WWP2: variants seen among roughly 807,000 people sequenced by gnomAD.
WWP2 encodes NEDD4-like E3 ubiquitin-protein ligase WWP2.
WWP2 carries 57 observed loss-of-function variants against 121.0 expected under a neutral mutation model. The observed-to-expected ratio is 0.47, with a 90% confidence interval of 0.38 to 0.59. WWP2 has a LOEUF of 0.59. Among genes scored for constraint, WWP2 ranks in the 20% least tolerant of loss-of-function variants. WWP2 has a pLI of 0.00. For missense variants in WWP2, 962 were observed against 1,158.9 expected (o/e 0.83, Z 2.47); for synonymous variants, 449 against 441.3 (o/e 1.02, Z -0.22).
At chr16:69,865,783 TCA>T (rs2057510008) in intron 6 of WWP2, among the ~76,000 whole-genome samples, 2 of 152,168 alleles carry the variant, frequency 1.3e-5, no homozygotes, top group Non-Finnish European at 2.9e-5. Flanking sequence ...ACCCTGTCCA[TCA>T]GAAGGTGAAG....
chr16:69,889,408 G>T (rs1324468944), intron 8 of WWP2, among the ~76,000 whole-genome samples: 2 of 152,216 alleles, frequency 1.3e-5, no homozygotes, highest in Non-Finnish European at 2.9e-5. Context: ...TTCAAGTTTG[G>T]TTATATGGTG....
chr16:69,867,712 C>T (rs1420780292), intron 6 of WWP2, among the ~76,000 whole-genome samples: 2 of 152,204 alleles, frequency 1.3e-5, no homozygotes, highest in South Asian at 2.1e-4. Context: ...CTGAGAAGGG[C>T]GAGCTACAAA....
chr16:69,925,276 A>G lies in WWP2; in HGVS notation c.1180-154A>G. On this transcript the variant is annotated intron_variant, in intron 10 of 23. Transcript: ENST00000359154. This position sits in a 1 kb window ranked among gnomAD's most constrained non-coding sequence, Gnocchi z 4.0. Reference sequence around the variant, plus strand: ...AAAACAAAAAACAGAGACTTTTGAGAGGAGCAGATGCCACCTAAAGTCCCA... The same window carrying G: ...AAAACAAAAAACAGAGACTTTTGAGGGGAGCAGATGCCACCTAAAGTCCCA... 6.9e-7 allele frequency: 1 copy of G among 1,447,826 alleles called. No individual in the cohort carries two copies. The highest frequency in any genetic ancestry group is 9.1e-7 in the Non-Finnish European group (1 of 1,097,222). 89.7% of individuals were successfully genotyped at this position (1,447,826 alleles called of 1,614,324 possible).
At chr16:69,775,539 G>A (rs1208087988) in intron 1 of WWP2, among the ~76,000 whole-genome samples, 1 of 152,014 alleles carries the variant, frequency 6.6e-6, no homozygotes, top group African/African-American at 2.4e-5. Flanking sequence ...TCCTTACATT[G>A]CCCATCTATT....
chr16:69,929,048 G>A (rs570507458), intron 11 of WWP2, among the ~76,000 whole-genome samples: 1 of 152,308 alleles, frequency 6.6e-6, no homozygotes, highest in East Asian at 1.9e-4. Context: ...CAGGACCAGG[G>A]ATCAGCTGTG....
intron 10 of WWP2, among the ~76,000 whole-genome samples, chr16:69,920,879 G>C (rs1003327166): frequency 6.6e-6 from 1 of 152,152 alleles, no homozygotes; most frequent in Non-Finnish European, 1.5e-5. Context: ...CAAGATGTTG[G>C]TGTGTGAAAG....
chr16:69,884,770 T>TAC (rs772419445), intron 7 of WWP2, among the ~76,000 whole-genome samples: 9 of 152,204 alleles, frequency 5.9e-5, no homozygotes, highest in Non-Finnish European at 1.0e-4. Flanking sequence ...TGAAGACTGG[T>TAC]AAACAAAGGG....
chr16:69,803,838 G>T (rs1000086023), intron 4 of WWP2, among the ~76,000 whole-genome samples: 1 of 152,140 alleles, frequency 6.6e-6, no homozygotes, highest in Non-Finnish European at 1.5e-5. Context: ...AACCTGGGAG[G>T]CGAAGGTTGC....
At chr16:69,908,560 C>A (rs770724072) in intron 8 of WWP2, among the ~76,000 whole-genome samples, 29 of 152,190 alleles carry the variant, frequency 1.9e-4, no homozygotes, top group Non-Finnish European at 3.7e-4. Flanking sequence ...TACAGGGGAG[C>A]TATTATAGTT....
chr16:69,775,609 C>T (rs886318662), intron 1 of WWP2, among the ~76,000 whole-genome samples: 8 of 152,162 alleles, frequency 5.3e-5, no homozygotes, highest in African/African-American at 1.9e-4. Context: ...AGTTATTTTG[C>T]ATTACCTGTT....
chr16:69,770,970 TAAA>T (rs397942280), intron 1 of WWP2, among the ~76,000 whole-genome samples: 1 of 135,356 alleles, frequency 7.4e-6, no homozygotes. Context: ...CTGTCTCTAT[TAAA>T]AAAAAAAAAA....
chr16:69,905,886 T>C (rs1370223577), intron 8 of WWP2, among the ~76,000 whole-genome samples: 2 of 152,182 alleles, frequency 1.3e-5, no homozygotes, highest in African/African-American at 4.8e-5. Flanking sequence ...AAGAGTTACA[T>C]AGTTTCTCTG....
intron 5 of WWP2, among the ~76,000 whole-genome samples, chr16:69,841,241 A>T (rs2056971672): frequency 6.6e-6 from 1 of 152,224 alleles, no homozygotes; most frequent in African/African-American, 2.4e-5. Context: ...AGATAATTAC[A>T]TAGCTGTGAT....
chr16:69,912,899 T>A (rs2151966162), intron 9 of WWP2, among the ~76,000 whole-genome samples: 1 of 112,856 alleles, frequency 8.9e-6, no homozygotes, highest in East Asian at 2.6e-4. Context: ...CTGGGCAACA[T>A]ATGGAGAACC....
intron 7 of WWP2, among the ~76,000 whole-genome samples, chr16:69,883,137 G>A (rs150728083): frequency 3.2e-4 from 49 of 151,090 alleles, no homozygotes; most frequent in African/African-American, 1.2e-3. Flanking sequence ...TGGGTGGCAG[G>A]GTGAGACTCC....
Position 69,936,400 on chromosome 16 carries a change from G to A in WWP2, c.2065G>A (p.Glu689Lys). The part of the protein sequence containing the change: ...LGKVTTHELK[E>K]GGESIRVTEE... ...CAAGGTGACGACCCACGAGCTGAAG[G>A]AGGGCGGCGAGAGCATCCGGGTCAC... Residue 689 changes from glutamate (E) to lysine (K), a missense_variant, in exon 19 of 24, where the codon GAG becomes AAG. Transcript: ENST00000359154. The A allele has an allele frequency of 6.2e-7, 1 of 1,614,130 alleles. No individual in the cohort carries two copies. The highest frequency in any genetic ancestry group is 8.5e-7 in the Non-Finnish European group (1 of 1,180,038).
At chr16:69,889,781 T>C (rs1350994172) in intron 8 of WWP2, among the ~76,000 whole-genome samples, 1 of 152,204 alleles carries the variant, frequency 6.6e-6, no homozygotes, top group Non-Finnish European at 1.5e-5. Context: ...TGTGTCACTC[T>C]AGTTGCTGGT....
At chr16:69,806,523 C>T (rs1026295342) in intron 4 of WWP2, among the ~76,000 whole-genome samples, 2 of 152,118 alleles carry the variant, frequency 1.3e-5, no homozygotes, top group Non-Finnish European at 2.9e-5. Context: ...CCCATAAAAC[C>T]AACTGGGTCT....
chr16:69,939,941 C>A lies in WWP2; in HGVS notation c.*1C>A. ...GACCGAGGGCTTTGGACAGGAGTAA[C>A]CGAGGCCGCCCCTCCCACGCCCCCC... On this transcript the variant is annotated 3_prime_UTR_variant, in exon 24 of 24. Coordinates refer to ENST00000359154, the MANE Select transcript of WWP2 (RefSeq NM_001270454.2). 1.9e-6 allele frequency: 3 copies of A among 1,612,308 alleles called. No homozygotes were observed. Among genetic ancestry groups the A allele is most frequent in the Non-Finnish European group, 2.5e-6 (3 of 1,179,214 alleles).
Sources: gnomAD v4.1 joint callset for allele counts (sites outside exome capture counted in the v4.1 genomes callset) on GRCh38, gnomAD v4.1.1 for gene constraint, Gnocchi (gnomAD v3.1) non-coding constraint, MANE v1.5 for transcripts, NCBI Gene and HGNC (gene_info 2026-07-23, HGNC 2026-07-21) for gene names.